Variants in PACSIN2 observed in about 807,000 individuals in gnomAD.
PACSIN2 encodes the protein protein kinase C and casein kinase substrate in neurons protein 2.
PACSIN2 carries 25 observed loss-of-function variants against 63.8 expected under a neutral mutation model. The ratio of observed to expected loss-of-function variants is 0.39; its 90% CI spans 0.29 to 0.55. PACSIN2 has a LOEUF of 0.55. Ranked by LOEUF, PACSIN2 falls within the 20% of genes least tolerant of loss-of-function variation. PACSIN2 has a pLI of 0.62. For synonymous variants in PACSIN2, 255 were observed against 256.2 expected (o/e 1.00, Z 0.05); for missense variants, 518 against 646.9 (o/e 0.80, Z 2.16).
intron 5 of PACSIN2, 110 bp downstream of exon 5, chr22:42,888,533 T>C: frequency 1.8e-6 from 2 of 1,084,618 alleles, no homozygotes; most frequent in East Asian, 2.4e-5. Context: ...TATTGGTTAT[T>C]TATCCCTCTA....
chr22:42,953,297 G>C (rs1036038097), intron 1 of PACSIN2, among the ~76,000 whole-genome samples: 1 of 151,010 alleles, frequency 6.6e-6, no homozygotes, highest in Non-Finnish European at 1.5e-5. Flanking sequence ...TAAACTAAGA[G>C]TGAAAAAAAA....
chr22:42,936,600 T>C (rs1932926285), intron 1 of PACSIN2, among the ~76,000 whole-genome samples: 1 of 152,056 alleles, frequency 6.6e-6, no homozygotes, highest in Non-Finnish European at 1.5e-5. Flanking sequence ...CTTTTACATA[T>C]ATCAAAGCAG....
intron 1 of PACSIN2, among the ~76,000 whole-genome samples, chr22:42,987,066 C>T (rs1472030133): frequency 2.6e-5 from 4 of 152,142 alleles, no homozygotes; most frequent in Admixed American, 6.6e-5. Flanking sequence ...ACTCCACCCA[C>T]CCTTGATGTG....
At chr22:42,895,336 G>A (rs1444463691) in intron 2 of PACSIN2, among the ~76,000 whole-genome samples, 4 of 152,178 alleles carry the variant, frequency 2.6e-5, no homozygotes, top group Non-Finnish European at 4.4e-5. Context: ...ACTCAGTATC[G>A]TTGAGCTGGT....
At chr22:42,920,809 T>C (rs1932139504) in intron 1 of PACSIN2, among the ~76,000 whole-genome samples, 1 of 141,896 alleles carries the variant, frequency 7.0e-6, no homozygotes, top group Admixed American at 7.0e-5. Flanking sequence ...TTTTTTTTTT[T>C]TTTTTTTTTT....
At position 42,905,114 on chromosome 22, in the gene PACSIN2, T is replaced by C. The variant is rs147661894; in HGVS notation, c.60+6907A>G. On this transcript the variant is annotated intron_variant, in intron 2 of 10. Coordinates refer to ENST00000263246, the MANE Select transcript of PACSIN2 (RefSeq NM_001184970.3). ...TCTACAGAAATGCACAAAAAAAATT[T>C]AAAAAATTTTATCTTCAGAAGACAA... is the stretch of plus-strand genomic sequence containing the variant. Among the ~76,000 whole-genome samples, 1,246 of 152,292 alleles carry C rather than the reference T, an allele frequency of 8.2e-3. 13 individuals carry two copies. Among genetic ancestry groups the C allele is most frequent in the African/African-American group, 0.029 (1,187 of 41,558 alleles).
intron 1 of PACSIN2, among the ~76,000 whole-genome samples, chr22:43,010,398 A>ATATATATATTTTTTTTT: frequency 7.9e-6 from 1 of 126,394 alleles, no homozygotes; most frequent in Non-Finnish European, 1.7e-5. Context: ...ATATATATAT[A>ATATATATATTTTTTTTT]TTTTTTTTTA....
chr22:42,935,265 G>A (rs1932882885), intron 1 of PACSIN2, among the ~76,000 whole-genome samples: 1 of 152,014 alleles, frequency 6.6e-6, no homozygotes, highest in African/African-American at 2.4e-5. Context: ...GTCCAGCAGT[G>A]TCTGCGCCAT....
intron 6 of PACSIN2, among the ~76,000 whole-genome samples, chr22:42,883,867 G>A (rs1490853758): frequency 1.3e-5 from 2 of 152,190 alleles, no homozygotes; most frequent in Non-Finnish European, 2.9e-5. Context: ...AGCTGGGTGT[G>A]GTGGCGCATG....
intron 1 of PACSIN2, among the ~76,000 whole-genome samples, chr22:42,961,901 C>T (rs534461255): frequency 6.6e-6 from 1 of 152,316 alleles, no homozygotes; most frequent in South Asian, 2.1e-4. Context: ...TACCACCCCT[C>T]CCCACACAGC....
chr22:42,926,274 G>C (rs1569281572), intron 1 of PACSIN2, among the ~76,000 whole-genome samples: 2 of 152,170 alleles, frequency 1.3e-5, no homozygotes, highest in Non-Finnish European at 2.9e-5. Context: ...TCCCTCAAGG[G>C]AATCACACTG....
chr22:42,976,021 G>C (rs968031948), intron 1 of PACSIN2, among the ~76,000 whole-genome samples: 2 of 152,174 alleles, frequency 1.3e-5, no homozygotes, highest in Non-Finnish European at 2.9e-5. Context: ...GGTCCAATCT[G>C]AGCTGAAACC....
At chr22:42,998,791 C>A (rs898629312) in intron 1 of PACSIN2, among the ~76,000 whole-genome samples, 1 of 152,156 alleles carries the variant, frequency 6.6e-6, no homozygotes, top group African/African-American at 2.4e-5. Context: ...CCATGTCCCC[C>A]ATCATCCTGT....
chr22:42,918,276 G>A (rs1405295888), intron 1 of PACSIN2, among the ~76,000 whole-genome samples: 4 of 152,154 alleles, frequency 2.6e-5, no homozygotes, highest in African/African-American at 9.7e-5. Flanking sequence ...AAAGCTATTT[G>A]ATGACTGAAT....
intron 6 of PACSIN2, among the ~76,000 whole-genome samples, chr22:42,882,984 A>G (rs1176476362): frequency 6.6e-6 from 1 of 152,214 alleles, no homozygotes; most frequent in Admixed American, 6.5e-5. Flanking sequence ...CATAGGAGAC[A>G]TGCTGGAGTC....
intron 1 of PACSIN2, among the ~76,000 whole-genome samples, chr22:42,934,890 C>G (rs905964684): frequency 1.1e-4 from 10 of 95,074 alleles, no homozygotes; most frequent in Non-Finnish European, 2.1e-4. Context: ...TTTCTTTTCT[C>G]TTTCTTTTCT....
intron 1 of PACSIN2, among the ~76,000 whole-genome samples, chr22:42,912,455 G>A (rs745354899): frequency 6.6e-6 from 1 of 152,168 alleles, no homozygotes; most frequent in Non-Finnish European, 1.5e-5. Flanking sequence ...GTAGGGCTAG[G>A]ACCCGGGATA....
chr22:42,971,162 T>C (rs1921230880), intron 1 of PACSIN2, among the ~76,000 whole-genome samples: 1 of 152,242 alleles, frequency 6.6e-6, no homozygotes, highest in Non-Finnish European at 1.5e-5. Context: ...ACTGCCGCCA[T>C]CTCGGCTCAC....
intron 1 of PACSIN2, among the ~76,000 whole-genome samples, chr22:42,929,545 A>G (rs1465135382): frequency 3.3e-5 from 5 of 152,186 alleles, no homozygotes; most frequent in Admixed American, 2.0e-4. Flanking sequence ...AAGTACAGGC[A>G]AAAGAATGAG....
Sources: allele counts gnomAD v4.1 joint callset (sites outside exome capture counted in the v4.1 genomes callset), GRCh38; gene constraint gnomAD v4.1.1; transcripts MANE v1.5; gene names NCBI Gene and HGNC (gene_info 2026-07-23, HGNC 2026-07-21).